The following SLC4A4 variants were observed in gnomAD, a reference collection of about 807,000 sequenced individuals.
The protein encoded by SLC4A4 is solute carrier family 4 member 4.
A neutral mutation model predicts 111.5 loss-of-function variants in SLC4A4; 27 were observed. That is an observed-to-expected ratio of 0.24 (90% CI 0.18 to 0.33). The LOEUF (loss-of-function observed/expected upper bound fraction) is 0.33. Ranked by LOEUF, SLC4A4 falls within the 10% of genes least tolerant of loss-of-function variation. The probability of loss-of-function intolerance (pLI) is 1.00; values close to 1 mark genes in which losing one functional copy is unlikely to be tolerated. For synonymous variants in SLC4A4, 443 were observed against 463.4 expected (o/e 0.96, Z 0.57); for missense variants, 909 against 1,315.5 (o/e 0.69, Z 4.78).
intron 2 of SLC4A4, among the ~76,000 whole-genome samples, chr4:71,139,225 G>T (rs1743935701): frequency 6.8e-6 from 1 of 146,282 alleles, no homozygotes; most frequent in African/African-American, 2.6e-5. Context: ...GTGTATTTCT[G>T]GCAGCACTGG....
chr4:71,299,440 T>C (rs1267641229), intron 3 of SLC4A4, among the ~76,000 whole-genome samples: 2 of 151,472 alleles, frequency 1.3e-5, no homozygotes, highest in African/African-American at 4.9e-5. Flanking sequence ...CCCCAGGCTG[T>C]TGGGAGCTGG....
At chr4:71,444,927 T>C (rs1425617521) in intron 8 of SLC4A4, among the ~76,000 whole-genome samples, 1 of 152,216 alleles carries the variant, frequency 6.6e-6, no homozygotes, top group Non-Finnish European at 1.5e-5. Flanking sequence ...TACTGAATTA[T>C]TCCTGATTGG....
intron 8 of SLC4A4, among the ~76,000 whole-genome samples, chr4:71,446,259 C>CT (rs1560515662): frequency 6.6e-6 from 1 of 151,918 alleles, no homozygotes; most frequent in African/African-American, 2.4e-5. Context: ...GCTGTCAATC[C>CT]TTTTTTATTT....
At chr4:71,172,233 C>G (rs1221766486) in intron 2 of SLC4A4, among the ~76,000 whole-genome samples, 2 of 151,896 alleles carry the variant, frequency 1.3e-5, no homozygotes, top group Non-Finnish European at 2.9e-5. Context: ...ATTACATATT[C>G]TAGCATAGAT....
intron 7 of SLC4A4, among the ~76,000 whole-genome samples, chr4:71,422,064 G>T (rs1722568808): frequency 1.3e-5 from 2 of 149,730 alleles, no homozygotes; most frequent in South Asian, 4.3e-4. Context: ...TTTTTGAAAG[G>T]ATCAACAAAA....
chr4:71,259,266 T>C (rs1381161170), intron 3 of SLC4A4, among the ~76,000 whole-genome samples: 1 of 152,208 alleles, frequency 6.6e-6, no homozygotes, highest in Admixed American at 6.5e-5. Context: ...ATTTTCTTCA[T>C]GGCTTTGGTG....
At position 71,158,802 on chromosome 4, in the gene SLC4A4, T is replaced by C. The variant is rs184268643; in HGVS notation, c.-2+66010T>C. 2.6e-3 allele frequency among the ~76,000 whole-genome samples: 393 copies of C among 152,302 alleles called. 1 individual carries two copies. Among genetic ancestry groups the C allele is most frequent in the African/African-American group, 8.9e-3 (371 of 41,568 alleles). On this transcript the variant is annotated intron_variant, in intron 2 of 26. Coordinates refer to the SLC4A4 transcript ENST00000649996. ...GGCGGAGGAGAGTATGGGTAAAGTA[T>C]GTGTGGGCCACCAGCAAGAGATGAT...
chr4:71,413,215 C>T (rs909174217), intron 7 of SLC4A4, among the ~76,000 whole-genome samples: 1 of 152,184 alleles, frequency 6.6e-6, no homozygotes, highest in African/African-American at 2.4e-5. Context: ...AGCATGACTA[C>T]TACAGATTTA....
At chr4:71,098,070 T>A (rs1265985805) in intron 2 of SLC4A4, among the ~76,000 whole-genome samples, 1 of 152,214 alleles carries the variant, frequency 6.6e-6, no homozygotes, top group East Asian at 1.9e-4. Context: ...TGTGATGGCT[T>A]CTGGCATCTT....
chr4:71,434,596 C>A (rs889778431), intron 7 of SLC4A4: 12 of 151,800 alleles, frequency 7.9e-5, no homozygotes, highest in African/African-American at 2.9e-4. Context: ...ACTGGATGCA[C>A]CCTCTTAAGA....
chr4:71,132,484 A>T (rs1418359874), intron 2 of SLC4A4, among the ~76,000 whole-genome samples: 1 of 152,228 alleles, frequency 6.6e-6, no homozygotes, highest in Non-Finnish European at 1.5e-5. Context: ...GTTTAGCTGG[A>T]TGGATACTAC....
At chr4:71,495,348 T>G (rs1202283311) in intron 15 of SLC4A4, among the ~76,000 whole-genome samples, 1 of 152,088 alleles carries the variant, frequency 6.6e-6, no homozygotes, top group Non-Finnish European at 1.5e-5. Context: ...TTATGTTAAA[T>G]TTTTGCTGAT....
chr4:71,441,506 C>CT (rs1190291025), intron 8 of SLC4A4, among the ~76,000 whole-genome samples: 5 of 148,080 alleles, frequency 3.4e-5, no homozygotes, highest in Middle Eastern at 3.4e-3. Flanking sequence ...ATGAATAGGA[C>CT]TTTTTTTTGG....
intron 2 of SLC4A4, among the ~76,000 whole-genome samples, chr4:71,243,772 C>A (rs931817306): frequency 5.3e-5 from 8 of 152,124 alleles, no homozygotes; most frequent in Non-Finnish European, 1.2e-4. Context: ...TTGTTTCTGC[C>A]TTTCCATAGA....
At chr4:71,546,012 T>C (rs1735488702) in intron 18 of SLC4A4, among the ~76,000 whole-genome samples, 1 of 152,102 alleles carries the variant, frequency 6.6e-6, no homozygotes, top group African/African-American at 2.4e-5. Flanking sequence ...AAGTCCTCTA[T>C]GGAGTGGGCA....
chr4:71,173,494 C>A (rs1236289697), intron 2 of SLC4A4, among the ~76,000 whole-genome samples: 1 of 152,192 alleles, frequency 6.6e-6, no homozygotes, highest in Non-Finnish European at 1.5e-5. Context: ...GATTCTCCTG[C>A]CTCAGCCTCC....
intron 2 of SLC4A4, among the ~76,000 whole-genome samples, chr4:71,158,157 CTCTT>C (rs1419808059): frequency 6.6e-6 from 1 of 151,320 alleles, no homozygotes; most frequent in African/African-American, 2.4e-5. Context: ...CTCTCTCTCT[CTCTT>C]TCTCTCTCCC....
At chr4:71,178,262 G>A (rs1417353281) in intron 2 of SLC4A4, among the ~76,000 whole-genome samples, 2 of 150,542 alleles carry the variant, frequency 1.3e-5, no homozygotes, top group East Asian at 2.0e-4. Flanking sequence ...ATGTGCACAT[G>A]TACCCTAAAA....
chr4:71,230,396 G>A (rs913187291), intron 1 of SLC4A4, among the ~76,000 whole-genome samples: 2 of 152,168 alleles, frequency 1.3e-5, no homozygotes, highest in African/African-American at 2.4e-5. Flanking sequence ...GCTAGCATTG[G>A]TCACTCCCCT....
Sources: gnomAD v4.1 joint callset for allele counts (sites outside exome capture counted in the v4.1 genomes callset) on GRCh38, gnomAD v4.1.1 for gene constraint, MANE v1.5 for transcripts, NCBI Gene and HGNC (gene_info 2026-07-23, HGNC 2026-07-21) for gene names.